PLCH1: variants seen among roughly 807,000 people sequenced by gnomAD.
PLCH1 encodes 1-phosphatidylinositol 4,5-bisphosphate phosphodiesterase eta-1.
PLCH1 carries 60 observed loss-of-function variants against 126.7 expected under a neutral mutation model. The observed-to-expected ratio is 0.47, with a 90% confidence interval of 0.38 to 0.59. The LOEUF is 0.59. Among genes scored for constraint, PLCH1 ranks in the 20% least tolerant of loss-of-function variants. The pLI, the probability that PLCH1 is intolerant of heterozygous loss-of-function variation, is 0.00. For synonymous variants in PLCH1, 719 were observed against 734.9 expected (o/e 0.98, Z 0.35); for missense variants, 1,723 against 2,040.0 (o/e 0.84, Z 2.99).
intron 6 of PLCH1, among the ~76,000 whole-genome samples, chr3:155,575,284 C>T (rs1378491451): frequency 6.6e-6 from 1 of 152,102 alleles, no homozygotes; most frequent in Non-Finnish European, 1.5e-5. Flanking sequence ...AATTATTTCT[C>T]ATGAGAGAGA....
chr3:155,503,537 C>CTTTT (rs57141788), intron 13 of PLCH1, among the ~76,000 whole-genome samples: 1 of 144,400 alleles, frequency 6.9e-6, no homozygotes, highest in Admixed American at 6.9e-5. Flanking sequence ...TTACTTCTGT[C>CTTTT]TTTTTTTTTT....
At chr3:155,646,401 T>A (rs1304624449) in intron 2 of PLCH1, among the ~76,000 whole-genome samples, 1 of 152,102 alleles carries the variant, frequency 6.6e-6, no homozygotes, top group Non-Finnish European at 1.5e-5. Context: ...TGAAATGACA[T>A]CCGGAACAGC....
chr3:155,679,519 T>C (rs1285422655), intron 2 of PLCH1, among the ~76,000 whole-genome samples: 1 of 152,204 alleles, frequency 6.6e-6, no homozygotes, highest in Non-Finnish European at 1.5e-5. Flanking sequence ...ACTGGCTTGA[T>C]ATAACTTCAT....
chr3:155,735,216 G>A (rs1204522576), intron 1 of PLCH1, among the ~76,000 whole-genome samples: 3 of 152,182 alleles, frequency 2.0e-5, no homozygotes, highest in African/African-American at 4.8e-5. Context: ...GATGTGACTG[G>A]GTGGCGGGTG....
intron 18 of PLCH1, among the ~76,000 whole-genome samples, chr3:155,492,350 C>T (rs1716338619): frequency 6.6e-6 from 1 of 152,132 alleles, no homozygotes; most frequent in Non-Finnish European, 1.5e-5. Context: ...GGCTGATGTG[C>T]AGCAGGGAGG....
At chr3:155,554,004 G>C in intron 9 of PLCH1, 72 bp downstream of exon 9, 1 of 1,480,136 alleles carries the variant, frequency 6.8e-7, no homozygotes, top group Non-Finnish European at 9.3e-7. Flanking sequence ...ATGTGGTTTT[G>C]TAGCTACGTT....
chr3:155,647,498 T>C (rs972977464), intron 2 of PLCH1, among the ~76,000 whole-genome samples: 10 of 151,912 alleles, frequency 6.6e-5, no homozygotes, highest in African/African-American at 2.4e-4. Flanking sequence ...TGCATTTTCT[T>C]TGCAGATCAA....
chr3:155,479,315 C>T (rs1215109010), downstream of PLCH1, among the ~76,000 whole-genome samples: 2 of 152,130 alleles, frequency 1.3e-5, no homozygotes, highest in Non-Finnish European at 2.9e-5. Flanking sequence ...CTTGGGCTCA[C>T]TAAGGGCATA....
chr3:155,476,160 C>G (rs147357033), downstream of PLCH1, among the ~76,000 whole-genome samples: 3 of 152,020 alleles, frequency 2.0e-5, no homozygotes, highest in Non-Finnish European at 4.4e-5. Flanking sequence ...ATATGCAAAT[C>G]AATCAGTATG....
chr3:155,542,331 G>T (rs1248303349), intron 10 of PLCH1, among the ~76,000 whole-genome samples: 2 of 152,238 alleles, frequency 1.3e-5, no homozygotes, highest in African/African-American at 4.8e-5. Flanking sequence ...CGAGGCTGGG[G>T]GAGGGGAGCC....
intron 1 of PLCH1, among the ~76,000 whole-genome samples, chr3:155,741,981 A>T (rs760353034): frequency 1.3e-5 from 2 of 152,194 alleles, no homozygotes; most frequent in African/African-American, 4.8e-5. Context: ...CTAGATGTAC[A>T]GCCTTATCTA....
intron 2 of PLCH1, among the ~76,000 whole-genome samples, chr3:155,696,806 T>C (rs1034566683): frequency 2.0e-5 from 3 of 152,214 alleles, no homozygotes; most frequent in African/African-American, 4.8e-5. Flanking sequence ...ATCAAGGGCC[T>C]TTCTGCCTGG....
rs7647944 is a variant in PLCH1 at position 155,572,270 on chromosome 3, T to C, written c.772-3946A>G. ...TTTTGTGTGTGCTCTGGTGTATTTG[T>C]CTTTTATTCCACACACACATTTGTT... is the stretch of plus-strand genomic sequence containing the variant. On this transcript the variant is annotated intron_variant, in intron 6 of 22. Coordinates refer to ENST00000460012, the MANE Select transcript of PLCH1 (RefSeq NM_014996.4). 8.3e-3 allele frequency among the ~76,000 whole-genome samples: 1,263 copies of C among 152,332 alleles called. 17 individuals are homozygous for C. Among genetic ancestry groups the C allele is most frequent in the African/African-American group, 0.029 (1,188 of 41,586 alleles).
intron 2 of PLCH1, among the ~76,000 whole-genome samples, chr3:155,605,632 T>TG (rs1410063126): frequency 6.6e-6 from 1 of 152,228 alleles, no homozygotes; most frequent in Non-Finnish European, 1.5e-5. Flanking sequence ...AGGCTCCTTC[T>TG]GGGAAAAATA....
chr3:155,651,093 A>C (rs1376254182), intron 2 of PLCH1, among the ~76,000 whole-genome samples: 5 of 152,260 alleles, frequency 3.3e-5, no homozygotes, highest in Non-Finnish European at 7.3e-5. Flanking sequence ...CTGGATTTAA[A>C]AGGCTGACAT....
intron 10 of PLCH1, 46 bp downstream of exon 10, chr3:155,549,741 T>A (rs371181989): frequency 1.3e-5 from 17 of 1,354,324 alleles, no homozygotes; most frequent in Non-Finnish European, 1.7e-5. Context: ...GAGGGCAGGC[T>A]TAGCTGATAA....
At chr3:155,601,762 T>C (rs1445974832) in intron 2 of PLCH1, among the ~76,000 whole-genome samples, 1 of 152,144 alleles carries the variant, frequency 6.6e-6, no homozygotes, top group Non-Finnish European at 1.5e-5. Context: ...AAATGTACAA[T>C]TCACTGACTT....
Position 155,518,835 on chromosome 3 carries a change from G to C in PLCH1, c.1471-3951C>G, listed in dbSNP as rs199710211. ...CTTCTCTCACTCAGGGCCTCACAAA[G>C]AGGCAGAGACTTCAAGTAAGGAGAA... is the stretch of plus-strand genomic sequence containing the variant. On this transcript the variant is annotated intron_variant, in intron 11 of 22. Transcript: ENST00000460012. Among the ~76,000 whole-genome samples, 43 of 152,250 alleles carry C rather than the reference G, an allele frequency of 2.8e-4. 1 individual carries two copies. The East Asian group carries it at 8.1e-3, about 29-fold the overall frequency.
At chr3:155,495,727 GAT>G (rs1180661538) in intron 15 of PLCH1, among the ~76,000 whole-genome samples, 1 of 152,178 alleles carries the variant, frequency 6.6e-6, no homozygotes, top group African/African-American at 2.4e-5. Context: ...AACTGACAAT[GAT>G]ACTCCCGAGT....
Sources: gnomAD v4.1 joint callset for allele counts (sites outside exome capture counted in the v4.1 genomes callset) on GRCh38, gnomAD v4.1.1 for gene constraint, MANE v1.5 for transcripts, NCBI Gene and HGNC (gene_info 2026-07-23, HGNC 2026-07-21) for gene names.